The following ANTXRL variants were observed in gnomAD, a reference collection of about 807,000 sequenced individuals.
ANTXRL encodes ANTXR like.
Under a neutral mutation model 75.4 loss-of-function variants are expected in ANTXRL, and 63 were observed. That is an observed-to-expected ratio of 0.84 (90% CI 0.68 to 1.03). The LOEUF is 1.03. ANTXRL is among the 50% of genes least tolerant of loss of function. The probability of loss-of-function intolerance (pLI) is 0.00; values close to 1 mark genes in which losing one functional copy is unlikely to be tolerated. For synonymous variants in ANTXRL, 335 were observed against 291.3 expected (o/e 1.15, Z -1.53); for missense variants, 797 against 789.4 (o/e 1.01, Z -0.12).
chr10:46,298,069 G>C lies in ANTXRL; in HGVS notation c.796+7G>C. ...TCCTCTGAGTGTGTAGGAGGTGAGA[G>C]CTGCGGAGGCCCTGGGGTAGCCAAA... On this transcript the variant is annotated splice_region_variant and intron_variant, in intron 9 of 16. Coordinates refer to ENST00000620264, the MANE Select transcript of ANTXRL (RefSeq NM_001278688.3). 3 of 1,534,000 alleles carry C rather than the reference G, an allele frequency of 2.0e-6. No homozygotes were observed. The highest frequency in any genetic ancestry group is 2.6e-6 in the Non-Finnish European group (3 of 1,145,338).
At position 46,307,320 on chromosome 10, in the gene ANTXRL, C is replaced by T. The variant is rs1229967376; in HGVS notation, c.966-82C>T. 9.1e-6 allele frequency: 9 copies of T among 983,688 alleles called. No homozygotes were observed. In the East Asian group the frequency reaches 2.4e-4, roughly 26 times the overall value. The allele number at this position is 983,688 out of a possible 1,614,324, so 60.9% of individuals were successfully genotyped here. On this transcript the variant is annotated intron_variant, in intron 11 of 16. Transcript: ENST00000620264. ...TTACCTGCAAGTGTTTGGGGAATGA[C>T]CTCTCATTACCCATGCTGTCCAAGG...
chr10:46,308,035 G>A (rs1211898732), intron 12 of ANTXRL, among the ~76,000 whole-genome samples: 1 of 152,176 alleles, frequency 6.6e-6, no homozygotes, highest in Non-Finnish European at 1.5e-5. Flanking sequence ...CCAGGTGCCT[G>A]CTCTTCAGAG....
At chr10:46,311,394 C>A (rs1554963443) in intron 14 of ANTXRL, 116 bp from the exon 15 acceptor site, 8 of 1,369,500 alleles carry the variant, frequency 5.8e-6, no homozygotes, top group Non-Finnish European at 7.6e-6. Flanking sequence ...ATGAAGGACC[C>A]TCCACTGTGG....
In ANTXRL at chr10:46,293,831, C is replaced by T; in HGVS notation, c.323C>T (p.Pro108Leu). 6.5e-7 allele frequency: 1 copy of T among 1,535,574 alleles called. No homozygotes were observed. Among genetic ancestry groups the T allele is most frequent in the Non-Finnish European group, 8.7e-7 (1 of 1,146,580 alleles). Residue 108 changes from proline to leucine, a missense_variant and splice_region_variant, in exon 3 of 17, where the codon CCA (proline) becomes CTA (leucine). Pro to Leu is a moderately conservative substitution (Grantham distance 98). This residue lies in a region of ANTXRL where 262 missense variants were observed against 271.9 expected (regional missense o/e 0.96). Transcript: ENST00000620264. ...VEETVARFQS[P>L]NIRMCFITYS... Reference sequence around the variant, plus strand: ...ACCAGCACATGATTCCTTCACAGCCCAAATATTCGGATGTGCTTCATCACC... The same window carrying T: ...ACCAGCACATGATTCCTTCACAGCCTAAATATTCGGATGTGCTTCATCACC...
intron 9 of ANTXRL, among the ~76,000 whole-genome samples, chr10:46,301,633 T>C (rs1253591838): frequency 6.6e-6 from 1 of 152,190 alleles, no homozygotes; most frequent in African/African-American, 2.4e-5. Flanking sequence ...GGCCTGCATT[T>C]CCCATTTTCC....
intron 1 of ANTXRL, 107 bp from the exon 2 acceptor site, chr10:46,291,951 G>T (rs371584112): frequency 2.9e-5 from 29 of 1,016,336 alleles, no homozygotes; most frequent in Admixed American, 2.2e-4. Context: ...CTGTGCTGGG[G>T]TCAGGAGAGC....
chr10:46,310,589 C>A, intron 14 of ANTXRL, 90 bp downstream of exon 14: 3 of 1,336,090 alleles, frequency 2.2e-6, no homozygotes, highest in Non-Finnish European at 2.1e-6. Flanking sequence ...GCCCCATGAT[C>A]TCCATCTGCT....
chr10:46,288,036 A>G (rs1434709111), intron 1 of ANTXRL, among the ~76,000 whole-genome samples: 2 of 152,010 alleles, frequency 1.3e-5, no homozygotes, highest in African/African-American at 4.8e-5. Flanking sequence ...GCCACGCGAT[A>G]GTTCCTACAC....
At chr10:46,323,034 C>A (rs1839052688) in intron 16 of ANTXRL, among the ~76,000 whole-genome samples, 1 of 152,152 alleles carries the variant, frequency 6.6e-6, no homozygotes. Context: ...GAGGATCCCA[C>A]TAGAAGTAAG....
chr10:46,287,081 T>G lies in ANTXRL; in HGVS notation c.-182T>G, dbSNP rs1590311649. On this transcript the variant is annotated 5_prime_UTR_variant, in exon 1 of 17. Transcript: ENST00000620264. ...GTCTCCCAGAGCCAGCTGCTGACCC[T>G]AGTCCCTGCGATCTGGGGAGGTACC... 2.9e-5 allele frequency: 22 copies of G among 766,084 alleles called. No individual in the cohort carries two copies. The East Asian group carries it at 5.4e-4, about 19-fold the overall frequency. The allele number at this position is 766,084 out of a possible 1,614,324, so 47.5% of individuals were successfully genotyped here.
chr10:46,293,989 T>C (rs572863389), intron 3 of ANTXRL, 89 bp downstream of exon 3: 35 of 1,283,034 alleles, frequency 2.7e-5, no homozygotes, highest in Admixed American at 1.1e-4. Flanking sequence ...GAGACCTTGG[T>C]TGGGAGCCTG....
Position 46,299,129 on chromosome 10 carries a change from C to G in ANTXRL, c.796+1067C>G, listed in dbSNP as rs182403350. ...CAGGGCTCCTCCCAGGAAGGCCAGG[C>G]AGGTGCAGGAGCTGAAATGTCTGTG... On this transcript the variant is annotated intron_variant, in intron 9 of 16. Transcript: ENST00000620264. 2.5e-3 allele frequency among the ~76,000 whole-genome samples: 387 copies of G among 152,154 alleles called. 1 individual carries two copies. The highest frequency in any genetic ancestry group is 3.9e-3 in the Non-Finnish European group (264 of 67,992).
chr10:46,310,490 G>A lies in ANTXRL; in HGVS notation c.1164G>A (p.Lys388=). The part of the protein sequence containing the change: ...QTVKEPPPVQ[K]PEKEPEQEKP... ...TCAAGGAGCCACCACCTGTGCAGAA[G>A]CCAGAAAAGGTAAGTTGCAGTTCTG... The change falls in exon 14 of 17, where the codon AAG becomes AAA. Residue 388 remains lysine, a synonymous_variant. Coordinates refer to ENST00000620264, the MANE Select transcript of ANTXRL (RefSeq NM_001278688.3). 6.5e-7 allele frequency: 1 copy of A among 1,536,292 alleles called. No homozygotes were observed.
chr10:46,286,696 C>G (rs1307462112), upstream of ANTXRL, among the ~76,000 whole-genome samples: 3 of 152,182 alleles, frequency 2.0e-5, no homozygotes, highest in African/African-American at 7.2e-5. Context: ...GAACTGCCAT[C>G]TCCTGGGGGA....
At chr10:46,295,909 C>T (rs1252413938) in intron 3 of ANTXRL, 110 bp from the exon 4 acceptor site, 28 of 892,328 alleles carry the variant, frequency 3.1e-5, no homozygotes, top group Admixed American at 2.0e-5. Context: ...TGGGCCCCTC[C>T]TTCATCCAGG....
intron 3 of ANTXRL, 120 bp from the exon 4 acceptor site, chr10:46,295,899 T>C: frequency 1.2e-6 from 1 of 807,226 alleles, no homozygotes; most frequent in East Asian, 2.7e-5. Flanking sequence ...AGCCCTTGCC[T>C]GGGCCCCTCC....
At chr10:46,306,188 T>A (rs541121680) in intron 10 of ANTXRL, among the ~76,000 whole-genome samples, 1 of 152,324 alleles carries the variant, frequency 6.6e-6, no homozygotes, top group South Asian at 2.1e-4. Context: ...ATCTTTTTAA[T>A]CTCAGCTGGA....
At chr10:46,316,441 C>T (rs2132859702) in intron 16 of ANTXRL, among the ~76,000 whole-genome samples, 1 of 152,204 alleles carries the variant, frequency 6.6e-6, no homozygotes, top group East Asian at 1.9e-4. Context: ...GCAATAGGAC[C>T]AGCATCCAAC....
chr10:46,301,213 C>T (rs1307209782), intron 9 of ANTXRL, among the ~76,000 whole-genome samples: 6 of 152,240 alleles, frequency 3.9e-5, no homozygotes, highest in African/African-American at 1.2e-4. Context: ...TCTGGCTGGC[C>T]AGGGCTTTTT....
Sources: gnomAD v4.1 joint callset for allele counts (sites outside exome capture counted in the v4.1 genomes callset) on GRCh38, gnomAD v4.1.1 for gene constraint, gnomAD v4.1.1 regional missense constraint, MANE v1.5 for transcripts, NCBI Gene and HGNC (gene_info 2026-07-23, HGNC 2026-07-21) for gene names.